RBFOX1: variants seen among roughly 807,000 people sequenced by gnomAD.
RBFOX1 encodes the protein RNA binding fox-1 homolog 1.
Under a neutral mutation model 57.7 loss-of-function variants are expected in RBFOX1, and 8 were observed. The observed-to-expected ratio is 0.14, with a 90% CI of 0.08 to 0.25. RBFOX1 has a LOEUF of 0.25. RBFOX1 is among the 10% of genes least tolerant of loss of function. RBFOX1 has a pLI of 1.00. For synonymous variants in RBFOX1, 326 were observed against 222.4 expected, an observed-to-expected ratio of 1.47 and a Z score of -4.15; for missense variants, 611 against 548.5, an observed-to-expected ratio of 1.11 and a Z score of -1.14.
At chr16:5,736,931 G>T (rs2052598203) in intron 3 of RBFOX1, among the ~76,000 whole-genome samples, 1 of 124,824 alleles carries the variant, frequency 8.0e-6, no homozygotes, top group South Asian at 2.4e-4. Context: ...CTCTCTCCCT[G>T]TCTCTCTTCC....
At position 6,917,084 on chromosome 16, in the gene RBFOX1, G is replaced by C. The variant is rs150091182; in HGVS notation, c.-15-134973G>C. Reference sequence around the variant, plus strand: ...CAGGCTAGTCCTGAACTCATGATCTGAGGTTATCCACCTGCCTTGGCCTCC... The same window carrying C: ...CAGGCTAGTCCTGAACTCATGATCTCAGGTTATCCACCTGCCTTGGCCTCC... On this transcript the variant is annotated intron_variant, in intron 3 of 15. Transcript: ENST00000550418. 5.2e-3 allele frequency among the ~76,000 whole-genome samples: 796 copies of C among 152,264 alleles called. 9 individuals are homozygous for C. Among genetic ancestry groups the C allele is most frequent in the Middle Eastern group, 0.027 (8 of 294 alleles).
At chr16:7,545,301 G>A (rs1453956731) in intron 5 of RBFOX1, among the ~76,000 whole-genome samples, 1 of 147,526 alleles carries the variant, frequency 6.8e-6, no homozygotes, top group Admixed American at 6.7e-5. Context: ...CACTGAGAGA[G>A]GCAGGGTGCG....
upstream of RBFOX1, among the ~76,000 whole-genome samples, chr16:6,016,822 C>G (rs1358204462): frequency 6.6e-6 from 1 of 152,182 alleles, no homozygotes; most frequent in Non-Finnish European, 1.5e-5. Context: ...AGGAAAAACT[C>G]TACTTGGAAT....
chr16:5,816,604 T>A (rs1233965767), intron 3 of RBFOX1, among the ~76,000 whole-genome samples: 1 of 152,132 alleles, frequency 6.6e-6, no homozygotes, highest in Non-Finnish European at 1.5e-5. Flanking sequence ...GGCAACATAG[T>A]TAAACTTCGT....
intron 3 of RBFOX1, among the ~76,000 whole-genome samples, chr16:5,787,374 A>G (rs963010028): frequency 2.6e-5 from 4 of 152,322 alleles, no homozygotes; most frequent in South Asian, 2.1e-4. Context: ...CCTGGCAATG[A>G]AGTGAATAAA....
intron 3 of RBFOX1, among the ~76,000 whole-genome samples, chr16:7,002,316 T>G (rs2092892912): frequency 6.6e-6 from 1 of 152,238 alleles, no homozygotes; most frequent in Non-Finnish European, 1.5e-5. Flanking sequence ...TTGTATCCTC[T>G]AAAGCTATTT....
At chr16:7,244,441 C>A (rs2094206265) in intron 4 of RBFOX1, among the ~76,000 whole-genome samples, 1 of 152,112 alleles carries the variant, frequency 6.6e-6, no homozygotes, top group African/African-American at 2.4e-5. Flanking sequence ...CATTTCTTGT[C>A]ATATTGAGAT....
chr16:6,415,854 C>T (rs141097036), intron 2 of RBFOX1, among the ~76,000 whole-genome samples: 9 of 152,278 alleles, frequency 5.9e-5, no homozygotes, highest in East Asian at 1.9e-4. Context: ...AAGTCTCTAT[C>T]GGTGTGAAAA....
At chr16:6,085,139 C>T (rs753856676) in intron 1 of RBFOX1, among the ~76,000 whole-genome samples, 21 of 152,274 alleles carry the variant, frequency 1.4e-4, no homozygotes, top group Admixed American at 9.2e-4. Flanking sequence ...ATTTCTGCTA[C>T]TGTGCATGTT....
chr16:7,240,993 C>A (rs372323353), intron 4 of RBFOX1, among the ~76,000 whole-genome samples: 24 of 152,190 alleles, frequency 1.6e-4, no homozygotes, highest in African/African-American at 4.8e-4. Context: ...CCAAACAATT[C>A]TCTTAATATA....
chr16:6,571,336 G>C (rs2097341817), intron 2 of RBFOX1, among the ~76,000 whole-genome samples: 1 of 152,240 alleles, frequency 6.6e-6, no homozygotes, highest in Admixed American at 6.5e-5. Flanking sequence ...GTGACGGTGG[G>C]CATCCTTCCA....
Position 5,511,936 on chromosome 16 carries a change from G to C in RBFOX1, c.258+44682G>C, listed in dbSNP as rs1198856665. ...AAGCTTATGAGTCTATTAATCCACA[G>C]CTTCAGAGGAATTAAAGTTTCATAT... On this transcript the variant is annotated intron_variant, in intron 2 of 2. Transcript: ENST00000585867. Among the ~76,000 whole-genome samples the C allele has an allele frequency of 2.0e-5, 3 of 152,274 alleles. No individual in the cohort carries two copies. The East Asian group carries it at 5.8e-4, about 29-fold the overall frequency.
chr16:6,202,581 T>C (rs1252866888), intron 1 of RBFOX1, among the ~76,000 whole-genome samples: 1 of 152,012 alleles, frequency 6.6e-6, no homozygotes, highest in African/African-American at 2.4e-5. Context: ...TTTCTTTCTT[T>C]TATGCTGAAA....
At chr16:6,256,755 A>T (rs1300352745) in intron 1 of RBFOX1, among the ~76,000 whole-genome samples, 2 of 152,070 alleles carry the variant, frequency 1.3e-5, no homozygotes, top group African/African-American at 4.8e-5. Context: ...CCGTTTTGAC[A>T]ACCAAAAATG....
chr16:5,555,487 G>T (rs2045633974), intron 2 of RBFOX1, among the ~76,000 whole-genome samples: 1 of 151,826 alleles, frequency 6.6e-6, no homozygotes, highest in African/African-American at 2.4e-5. Context: ...CTGACCTCAG[G>T]TGATCCACCT....
chr16:7,050,291 G>A (rs2049573646), intron 3 of RBFOX1, among the ~76,000 whole-genome samples: 1 of 137,412 alleles, frequency 7.3e-6, no homozygotes, highest in African/African-American at 2.7e-5. Context: ...TTGAGATGGA[G>A]TTTCACTCTT....
rs563110271 is a variant in RBFOX1 at position 7,104,585 on chromosome 16, A to G, written c.27+52487A>G. Among the ~76,000 whole-genome samples the G allele has an allele frequency of 1.4e-4, 21 of 152,284 alleles. No individual in the cohort carries two copies. In the East Asian group the frequency reaches 3.7e-3, roughly 27 times the overall value. On this transcript the variant is annotated intron_variant, in intron 4 of 15. Coordinates refer to ENST00000550418, the MANE Select transcript of RBFOX1 (RefSeq NM_018723.4). ...GGTGGGCTGAAAATGTTGGGCTTCT[A>G]TAGTCAAGTCAGGACCTCTTGCTGT...
At chr16:5,797,901 C>G (rs1020681229) in intron 3 of RBFOX1, among the ~76,000 whole-genome samples, 2 of 152,150 alleles carry the variant, frequency 1.3e-5, no homozygotes, top group African/African-American at 2.4e-5. Context: ...GATGTCCGCA[C>G]TCCATCTGCT....
chr16:5,856,417 A>G (rs1350163669), intron 3 of RBFOX1, among the ~76,000 whole-genome samples: 2 of 139,340 alleles, frequency 1.4e-5, no homozygotes, highest in African/African-American at 2.6e-5. Context: ...AATATCAAGT[A>G]TATAGCACAG....
Sources: gnomAD v4.1 joint callset for allele counts (sites outside exome capture counted in the v4.1 genomes callset) on GRCh38, gnomAD v4.1.1 for gene constraint, MANE v1.5 for transcripts, NCBI Gene and HGNC (gene_info 2026-07-23, HGNC 2026-07-21) for gene names.